Variants in SARS1 observed in about 807,000 individuals in gnomAD.
SARS1 encodes the protein seryl-tRNA synthetase 1.
Under a neutral mutation model 63.7 loss-of-function variants are expected in SARS1, and 25 were observed. The ratio of observed to expected loss-of-function variants is 0.39; its 90% CI spans 0.29 to 0.55. The LOEUF is 0.55. SARS1 is among the 20% of genes least tolerant of loss of function. The pLI is 0.62. For synonymous variants in SARS1, 231 were observed against 243.5 expected, an observed-to-expected ratio of 0.95 and a Z score of 0.48; for missense variants, 417 against 649.7, an observed-to-expected ratio of 0.64 and a Z score of 3.89.
At chr1:109,234,032 A>C (rs1655260592) in intron 6 of SARS1, among the ~76,000 whole-genome samples, 1 of 150,516 alleles carries the variant, frequency 6.6e-6, no homozygotes. Context: ...ACCATGCCCG[A>C]CTAATTTTTT....
At chr1:109,233,663 T>C (rs35271870) in intron 6 of SARS1, among the ~76,000 whole-genome samples, 8,179 of 152,006 alleles carry the variant, frequency 0.054, 288 homozygotes, top group Non-Finnish European at 0.084. Flanking sequence ...TAAATTGCCT[T>C]TTAACTTAGC....
chr1:109,228,244 A>T, intron 2 of SARS1, 108 bp from the exon 3 acceptor site: 3 of 824,004 alleles, frequency 3.6e-6, no homozygotes, highest in Non-Finnish European at 5.6e-6. Context: ...TTTATGTAAG[A>T]AGTTCTGTGA....
At chr1:109,234,030 C>T (rs919218400) in intron 6 of SARS1, among the ~76,000 whole-genome samples, 1 of 151,648 alleles carries the variant, frequency 6.6e-6, no homozygotes, top group African/African-American at 2.4e-5. Flanking sequence ...CCACCATGCC[C>T]GACTAATTTT....
Position 109,214,022 on chromosome 1 carries a change from G to A in SARS1, c.30G>A (p.Val10=). 1 of 1,613,854 alleles carries A rather than the reference G, an allele frequency of 6.2e-7. No individual in the cohort carries two copies. The highest frequency in any genetic ancestry group is 1.1e-5 in the South Asian group (1 of 91,064). The change falls in exon 1 of 11, where the codon GTG becomes GTA. Residue 10 remains valine, a synonymous_variant. Transcript: ENST00000234677. This position sits in a 1 kb window ranked among gnomAD's most constrained non-coding sequence, Gnocchi z 4.6. MVLDLDLFR[V]DKGGDPALIR... is the part of the protein sequence containing the mutation. ...TGCTGGATCTGGATTTGTTTCGGGT[G>A]GATAAAGGAGGGGACCCAGCCCTCA...
chr1:109,226,424 T>C (rs2101194079), intron 2 of SARS1, among the ~76,000 whole-genome samples: 1 of 150,152 alleles, frequency 6.7e-6, no homozygotes. Context: ...TGATCATAGC[T>C]CACTGCAGCC....
chr1:109,229,596 A>AGGCT lies in SARS1; in HGVS notation c.447+26_447+29dup, dbSNP rs1557717968. The AGGCT allele has an allele frequency of 1.9e-6, 3 of 1,604,112 alleles. No individual in the cohort carries two copies. The East Asian group carries it at 6.7e-5, about 36-fold the overall frequency. ...AGGTAGGTGGCTGTGCCGCAGCAGG[A>AGGCT]GGCTGCCTTAGGTCGCTGCTGTCTC... is the stretch of plus-strand genomic sequence containing the variant. On this transcript the variant is annotated intron_variant, in intron 4 of 10. Coordinates refer to ENST00000234677, the MANE Select transcript of SARS1 (RefSeq NM_006513.4).
chr1:109,221,973 TA>T, intron 1 of SARS1, among the ~76,000 whole-genome samples: 1 of 3,398 alleles, frequency 2.9e-4, no homozygotes, highest in African/African-American at 8.7e-4. Context: ...TGTGTGTGTA[TA>T]TATATATATA....
Position 109,237,695 on chromosome 1 carries a change from A to G in SARS1, c.1388-36A>G. 2 of 1,610,322 alleles carry G rather than the reference A, an allele frequency of 1.2e-6. No homozygotes were observed. Among genetic ancestry groups the G allele is most frequent in the Non-Finnish European group, 1.7e-6 (2 of 1,177,954 alleles). On this transcript the variant is annotated intron_variant, in intron 10 of 10. Coordinates refer to ENST00000234677, the MANE Select transcript of SARS1 (RefSeq NM_006513.4). The surrounding 1 kb of genome is among the most constrained non-coding windows in gnomAD (Gnocchi z 4.1). ...GGTCTTAGGGCTTTGACTCACTGAG[A>G]AACAACAGGTCATTTGGTTGGCTCT...
At chr1:109,217,919 C>T (rs1375080350) in intron 1 of SARS1, among the ~76,000 whole-genome samples, 4 of 152,048 alleles carry the variant, frequency 2.6e-5, no homozygotes, top group African/African-American at 9.7e-5. Flanking sequence ...TAGCCCGGTG[C>T]GGTGACTCAC....
intron 2 of SARS1, among the ~76,000 whole-genome samples, chr1:109,226,698 ACACACACACAC>A (rs1655092907): frequency 1.0e-5 from 1 of 100,452 alleles, no homozygotes; most frequent in Non-Finnish European, 1.8e-5. Context: ...ATATATATAT[ACACACACACAC>A]ACACACACAC....
intron 6 of SARS1, among the ~76,000 whole-genome samples, chr1:109,233,602 G>C (rs1481026314): frequency 6.6e-6 from 1 of 151,470 alleles, no homozygotes; most frequent in African/African-American, 2.4e-5. Flanking sequence ...TTCATGTTGG[G>C]ATTTTTTTCA....
chr1:109,217,155 T>G (rs1654809003), intron 1 of SARS1: 2 of 983,182 alleles, frequency 2.0e-6, no homozygotes, highest in Admixed American at 6.1e-5. Flanking sequence ...GTTAGCTTCA[T>G]GTATACAGAT....
chr1:109,238,007 C>T lies in SARS1; in HGVS notation c.*119C>T. ...CCCCTGCCCCCATCTGACTGCGTAG[C>T]TGAGAGGGGAACAGTGCCATGTACC... On this transcript the variant is annotated 3_prime_UTR_variant, in exon 11 of 11. Transcript: ENST00000234677. The T allele has an allele frequency of 9.7e-6, 11 of 1,133,796 alleles. No homozygotes were observed. The highest frequency in any genetic ancestry group is 1.4e-5 in the Non-Finnish European group (11 of 788,852). 70.2% of individuals were successfully genotyped at this position (1,133,796 alleles called of 1,614,324 possible). A position where few individuals can be genotyped will look rare whatever the true frequency, so the allele number is the denominator to read the frequency against.
chr1:109,226,353 TTTC>T (rs1309427783), intron 2 of SARS1, among the ~76,000 whole-genome samples: 1 of 146,296 alleles, frequency 6.8e-6, no homozygotes, highest in African/African-American at 2.6e-5. Context: ...CCTTTTGTTC[TTTC>T]TTTTTTTTTT....
chr1:109,232,066 A>G (rs1655222844), intron 6 of SARS1, among the ~76,000 whole-genome samples: 1 of 152,166 alleles, frequency 6.6e-6, no homozygotes, highest in Non-Finnish European at 1.5e-5. Context: ...ATGTATCTAA[A>G]TCAAGCATAC....
At position 109,237,216 on chromosome 1, in the gene SARS1, C is replaced by T. The variant is rs1424041879; in HGVS notation, c.1258-28C>T. The T allele has an allele frequency of 1.3e-6, 2 of 1,599,928 alleles. No homozygotes were observed. The highest frequency in any genetic ancestry group is 2.7e-5 in the African/African-American group (2 of 74,016). On this transcript the variant is annotated intron_variant, in intron 9 of 10. Transcript: ENST00000234677. This position sits in a 1 kb window ranked among gnomAD's most constrained non-coding sequence, Gnocchi z 4.1. ...AAGACCCGATGAGAGTTGAGCCCGA[C>T]TTCCCCTCTGGGACCCTGTCTTCCC...
chr1:109,231,871 G>T, intron 6 of SARS1, 85 bp downstream of exon 6: 1 of 1,161,294 alleles, frequency 8.6e-7, no homozygotes, highest in Non-Finnish European at 1.1e-6. Flanking sequence ...TGTCCAATAG[G>T]ACTTTCTGCG....
intron 1 of SARS1, among the ~76,000 whole-genome samples, chr1:109,219,558 G>A (rs1343413895): frequency 1.3e-5 from 2 of 150,590 alleles, no homozygotes; most frequent in African/African-American, 4.9e-5. Flanking sequence ...AGTCACCCAG[G>A]CTGGTGTGCA....
At chr1:109,222,016 T>A (rs1273129428) in intron 1 of SARS1, among the ~76,000 whole-genome samples, 11 of 59,592 alleles carry the variant, frequency 1.8e-4, no homozygotes, top group African/African-American at 9.1e-4. Flanking sequence ...ATATATTTTT[T>A]TTTTTTTTTT....
Sources: gnomAD v4.1 joint callset for allele counts (sites outside exome capture counted in the v4.1 genomes callset) on GRCh38, gnomAD v4.1.1 for gene constraint, Gnocchi (gnomAD v3.1) non-coding constraint, MANE v1.5 for transcripts, NCBI Gene and HGNC (gene_info 2026-07-23, HGNC 2026-07-21) for gene names.